Variants in NBEA observed in about 807,000 individuals in gnomAD.
The protein encoded by NBEA is lysosomal-trafficking regulator 2.
NBEA carries 44 observed loss-of-function variants against 343.4 expected under a neutral mutation model. The observed-to-expected ratio is 0.13, with a 90% CI of 0.10 to 0.16. The LOEUF (loss-of-function observed/expected upper bound fraction) is 0.16. Ranked by LOEUF, NBEA falls within the 10% of genes least tolerant of loss-of-function variation. NBEA has a pLI of 1.00. For synonymous variants in NBEA, 1,175 were observed against 1,238.7 expected (o/e 0.95, Z 1.08); for missense variants, 2,555 against 3,631.3 (o/e 0.70, Z 7.62).
intron 10 of NBEA, among the ~76,000 whole-genome samples, chr13:35,095,292 T>G (rs2152634007): frequency 6.6e-6 from 1 of 150,950 alleles, no homozygotes; most frequent in African/African-American, 2.4e-5. Context: ...AAATCTATAT[T>G]TAAATTTTAA....
intron 38 of NBEA, among the ~76,000 whole-genome samples, chr13:35,428,984 G>T (rs936002801): frequency 1.6e-4 from 24 of 152,118 alleles, no homozygotes; most frequent in African/African-American, 5.8e-4. Flanking sequence ...TGCTTGATGG[G>T]GGTGGGAGTT....
chr13:35,475,256 A>T, intron 41 of NBEA: 2 of 1,613,964 alleles, frequency 1.2e-6, no homozygotes, highest in Non-Finnish European at 1.7e-6. Flanking sequence ...TCACCCAGGC[A>T]AGACTCGTCC....
At chr13:35,369,361 T>A (rs1339363283) in intron 38 of NBEA, among the ~76,000 whole-genome samples, 1 of 151,778 alleles carries the variant, frequency 6.6e-6, no homozygotes, top group African/African-American at 2.4e-5. Context: ...ATTTGCTTAA[T>A]CTATTCAAGC....
intron 33 of NBEA, among the ~76,000 whole-genome samples, chr13:35,230,805 T>C (rs946261235): frequency 6.6e-6 from 1 of 152,040 alleles, no homozygotes; most frequent in Non-Finnish European, 1.5e-5. Context: ...TCTCAAAGTG[T>C]GTTTCCTGGA....
At chr13:35,586,251 A>G (rs1232169590) in intron 46 of NBEA, among the ~76,000 whole-genome samples, 1 of 152,174 alleles carries the variant, frequency 6.6e-6, no homozygotes, top group African/African-American at 2.4e-5. Flanking sequence ...CATTATGGGG[A>G]AAAAATTAAC....
chr13:35,228,725 A>G (rs1365379433), intron 33 of NBEA, among the ~76,000 whole-genome samples: 2 of 152,142 alleles, frequency 1.3e-5, no homozygotes, highest in Admixed American at 6.6e-5. Flanking sequence ...TACACTTACT[A>G]TTAAGAAAAA....
At chr13:35,057,521 C>T (rs1441641332) in intron 7 of NBEA, among the ~76,000 whole-genome samples, 1 of 152,116 alleles carries the variant, frequency 6.6e-6, no homozygotes, top group Non-Finnish European at 1.5e-5. Flanking sequence ...AAAATATCTT[C>T]TGTCTGTCCC....
At chr13:35,566,868 G>T (rs756019420) in intron 44 of NBEA, 37 bp from the exon 45 acceptor site, 1 of 1,119,594 alleles carries the variant, frequency 8.9e-7, no homozygotes, top group South Asian at 1.4e-5. Context: ...TAAGCATTTT[G>T]TGTGTACAAA....
chr13:35,609,258 C>T (rs575207536), intron 48 of NBEA, among the ~76,000 whole-genome samples: 1 of 152,306 alleles, frequency 6.6e-6, no homozygotes, highest in South Asian at 2.1e-4. Flanking sequence ...TGCAGTAATG[C>T]AGACTGGATG....
At chr13:35,260,558 C>A (rs922657951) in intron 34 of NBEA, among the ~76,000 whole-genome samples, 1 of 152,176 alleles carries the variant, frequency 6.6e-6, no homozygotes, top group Non-Finnish European at 1.5e-5. Flanking sequence ...AGCACTCTTG[C>A]TGAGTTGAGG....
At chr13:35,128,043 G>A (rs915146610) in intron 17 of NBEA, among the ~76,000 whole-genome samples, 9 of 139,420 alleles carry the variant, frequency 6.5e-5, no homozygotes, top group African/African-American at 2.1e-4. Flanking sequence ...GAAAGTAAAA[G>A]GATGAGTAAA....
chr13:35,196,331 CT>C (rs1293346023), intron 31 of NBEA, 29 bp downstream of exon 31: 2 of 1,538,624 alleles, frequency 1.3e-6, no homozygotes, highest in South Asian at 2.5e-5. Context: ...ATTCACAGGG[CT>C]TTATACATAA....
At chr13:35,067,019 C>G (rs1383485414) in intron 8 of NBEA, among the ~76,000 whole-genome samples, 2 of 151,982 alleles carry the variant, frequency 1.3e-5, no homozygotes, top group African/African-American at 2.4e-5. Context: ...TTAATTTTAT[C>G]CTAGTGAGTT....
chr13:35,243,535 A>T (rs2030687409), intron 34 of NBEA, among the ~76,000 whole-genome samples: 1 of 151,908 alleles, frequency 6.6e-6, no homozygotes, highest in South Asian at 2.1e-4. Flanking sequence ...CTGTAAATCT[A>T]AGGACACATA....
At chr13:35,084,041 A>T (rs939226303) in intron 10 of NBEA, among the ~76,000 whole-genome samples, 2 of 152,166 alleles carry the variant, frequency 1.3e-5, no homozygotes, top group African/African-American at 4.8e-5. Flanking sequence ...CTAAATATAG[A>T]TGCACCCAAT....
At chr13:35,315,026 CA>C (rs1296670102) in intron 36 of NBEA, among the ~76,000 whole-genome samples, 1 of 152,196 alleles carries the variant, frequency 6.6e-6, no homozygotes, top group African/African-American at 2.4e-5. Context: ...GTGCGAAGCA[CA>C]AATTAAATAT....
intron 38 of NBEA, among the ~76,000 whole-genome samples, chr13:35,415,575 T>C (rs1239086574): frequency 6.6e-6 from 1 of 152,202 alleles, no homozygotes; most frequent in African/African-American, 2.4e-5. Flanking sequence ...GGGGCTCTAT[T>C]CTGTTCCATT....
At chr13:34,957,016 T>C (rs2059515758) in intron 1 of NBEA, among the ~76,000 whole-genome samples, 1 of 151,392 alleles carries the variant, frequency 6.6e-6, no homozygotes, top group African/African-American at 2.4e-5. Context: ...GGAATATATA[T>C]ATATATACAC....
intron 41 of NBEA, among the ~76,000 whole-genome samples, chr13:35,491,234 G>A (rs1176314650): frequency 6.6e-6 from 1 of 151,770 alleles, no homozygotes; most frequent in Non-Finnish European, 1.5e-5. Context: ...TAATTTTGCT[G>A]GTTATTTTGA....
Sources: allele counts gnomAD v4.1 joint callset (sites outside exome capture counted in the v4.1 genomes callset), GRCh38; gene constraint gnomAD v4.1.1; transcripts MANE v1.5; gene names NCBI Gene and HGNC (gene_info 2026-07-23, HGNC 2026-07-21).